CSPP1: variants seen among roughly 807,000 people sequenced by gnomAD.
CSPP1 encodes the protein centrosome and spindle pole-associated protein 1.
In CSPP1, 126 loss-of-function variants were observed where a neutral mutation model predicts 164.4. The ratio of observed to expected loss-of-function variants is 0.77; its 90% CI spans 0.66 to 0.89. The LOEUF (loss-of-function observed/expected upper bound fraction) is 0.89. CSPP1 is among the 40% of genes least tolerant of loss of function. CSPP1 has a pLI of 0.00. For missense variants in CSPP1, 1,395 were observed against 1,449.8 expected (o/e 0.96, Z 0.61); for synonymous variants, 472 against 476.7 (o/e 0.99, Z 0.13).
intron 3 of CSPP1, 134 bp from the exon 4 acceptor site, chr8:67,085,873 A>G: frequency 1.7e-6 from 1 of 598,564 alleles, no homozygotes; most frequent in Non-Finnish European, 3.0e-6. Flanking sequence ...AGACATTTTA[A>G]GTAAAAAACT....
At chr8:67,193,405 C>A in intron 29 of CSPP1, 59 bp from the exon 30 acceptor site, 2 of 1,512,242 alleles carry the variant, frequency 1.3e-6, no homozygotes, top group South Asian at 1.2e-5. Context: ...CCCTGATTCA[C>A]TGATTTGTGA....
At chr8:67,144,518 TAGCCTCGACCTCCTAGGCCGA>T (rs1237496462) in intron 17 of CSPP1, among the ~76,000 whole-genome samples, 6 of 152,138 alleles carry the variant, frequency 3.9e-5, no homozygotes, top group African/African-American at 1.2e-4. Flanking sequence ...CGGCTCACTG[TAGCCTCGACCTCCTAGGCCGA>T]AGCAATTCTG....
intron 19 of CSPP1, among the ~76,000 whole-genome samples, chr8:67,158,076 A>T (rs1827014649): frequency 6.6e-6 from 1 of 152,234 alleles, no homozygotes; most frequent in Non-Finnish European, 1.5e-5. Context: ...TAATATAATC[A>T]TGAATTAGTT....
At chr8:67,176,963 C>G (rs1318959646) in intron 26 of CSPP1, among the ~76,000 whole-genome samples, 1 of 151,620 alleles carries the variant, frequency 6.6e-6, no homozygotes, top group Non-Finnish European at 1.5e-5. Context: ...CCCAGCTACT[C>G]CGGAGCCTGA....
intron 21 of CSPP1, among the ~76,000 whole-genome samples, chr8:67,160,684 G>A (rs1175238618): frequency 6.6e-6 from 1 of 151,370 alleles, no homozygotes; most frequent in Non-Finnish European, 1.5e-5. Context: ...TTTCATTTAT[G>A]TATGTCTGAT....
chr8:67,148,423 C>T (rs1825045387), intron 17 of CSPP1, among the ~76,000 whole-genome samples: 1 of 152,202 alleles, frequency 6.6e-6, no homozygotes. Flanking sequence ...TGCCAGAACA[C>T]TCATCATGCT....
At chr8:67,171,029 G>A (rs187037386) in intron 24 of CSPP1, among the ~76,000 whole-genome samples, 11 of 148,516 alleles carry the variant, frequency 7.4e-5, no homozygotes, top group Non-Finnish European at 1.2e-4. Flanking sequence ...CTCGTGATCC[G>A]CCCGCCTCGG....
chr8:67,192,874 ACT>A (rs1228915106), intron 29 of CSPP1, among the ~76,000 whole-genome samples: 6 of 152,146 alleles, frequency 3.9e-5, no homozygotes, highest in Admixed American at 1.3e-4. Context: ...TCAGTACCAC[ACT>A]GTCTTGATTA....
chr8:67,195,588 G>A lies in CSPP1; in HGVS notation c.3676G>A (p.Gly1226Ser), dbSNP rs1837779586. Residue 1226 changes from glycine (G) to serine (S), a missense_variant, in exon 31 of 31, where the codon GGT becomes AGT. Transcript: ENST00000678616. ...FTWQGLSTAHG is the reference protein window; with the variant it reads ...FTWQGLSTAHS ...TTGGCAGGGCCTGTCGACTGCACAT[G>A]GTTAAAATAAACCTGTACTGGACCC... 2 of 1,613,876 alleles carry A rather than the reference G, an allele frequency of 1.2e-6. No individual in the cohort carries two copies. Among genetic ancestry groups the A allele is most frequent in the African/African-American group, 1.3e-5 (1 of 75,024 alleles).
At chr8:67,193,411 T>C in intron 29 of CSPP1, 53 bp from the exon 30 acceptor site, 1 of 1,544,344 alleles carries the variant, frequency 6.5e-7, no homozygotes, top group Non-Finnish European at 8.9e-7. Context: ...TTCACTGATT[T>C]GTGAACATAT....
At chr8:67,148,521 T>C (rs1825069395) in intron 17 of CSPP1, among the ~76,000 whole-genome samples, 1 of 152,222 alleles carries the variant, frequency 6.6e-6, no homozygotes, top group South Asian at 2.1e-4. Context: ...CTATACATTT[T>C]CCAAGTCCAA....
At position 67,093,581 on chromosome 8, in the gene CSPP1, G is replaced by C; in HGVS notation, c.423G>C (p.Gln141His). Residue 141 changes from glutamine (Q) to histidine (H), a missense_variant, in exon 6 of 31, where the codon CAG (glutamine) becomes CAC (histidine). Physicochemically the swap from Gln to His is conservative, Grantham distance 24. Coordinates refer to ENST00000678616, the MANE Select transcript of CSPP1 (RefSeq NM_001382391.1). Reference protein sequence around the residue: ...LKLERNKEYNQFLRGKEESSE... With the variant: ...LKLERNKEYNHFLRGKEESSE... The stretch of plus-strand genomic sequence containing the variant: ...TTGAACGTAACAAAGAATACAATCA[G>C]TTTCTCAGGGGTAAGGAAGAATCCA... 1 of 1,612,322 alleles carries C rather than the reference G, an allele frequency of 6.2e-7. No homozygotes were observed. The highest frequency in any genetic ancestry group is 8.5e-7 in the Non-Finnish European group (1 of 1,178,556).
intron 7 of CSPP1, among the ~76,000 whole-genome samples, chr8:67,101,788 G>C (rs1186525743): frequency 6.6e-6 from 1 of 151,346 alleles, no homozygotes; most frequent in Non-Finnish European, 1.5e-5. Context: ...CCGGAAAATT[G>C]CCATTTTTCT....
rs1807949689 is a variant in CSPP1 at position 67,076,509 on chromosome 8, A to G, written c.127A>G (p.Asn43Asp). 3 of 1,594,430 alleles carry G rather than the reference A, an allele frequency of 1.9e-6. No homozygotes were observed. Among genetic ancestry groups the G allele is most frequent in the East Asian group, 2.3e-5 (1 of 44,074 alleles). The change falls in exon 3 of 31, where the codon AAC (asparagine) becomes GAC (aspartate). Residue 43 changes from asparagine to aspartate, a missense_variant. Physicochemically the swap from Asn to Asp is conservative, Grantham distance 23 (BLOSUM62 1). Coordinates refer to ENST00000678616, the MANE Select transcript of CSPP1 (RefSeq NM_001382391.1). Reference sequence around the variant, plus strand: ...AAAGTTGTCAGCGAAGCTTTCTGAAAACAGTAAGATACTGATCTCTATGGC... The same window carrying G: ...AAAGTTGTCAGCGAAGCTTTCTGAAGACAGTAAGATACTGATCTCTATGGC... Reference protein sequence around the residue: ...KGKLSAKLSENSKILISMAKE... With the variant: ...KGKLSAKLSEDSKILISMAKE...
At chr8:67,123,905 CTT>C (rs79650746) in intron 15 of CSPP1, among the ~76,000 whole-genome samples, 13 of 124,720 alleles carry the variant, frequency 1.0e-4, no homozygotes, top group Admixed American at 1.6e-4. Flanking sequence ...CGGCCAGGCT[CTT>C]TTTTTTTTTT....
intron 3 of CSPP1, among the ~76,000 whole-genome samples, chr8:67,081,696 A>G (rs1167162846): frequency 1.3e-5 from 2 of 152,254 alleles, no homozygotes; most frequent in Middle Eastern, 3.2e-3. Context: ...TCTTTTAAAA[A>G]TGTTTTGATA....
chr8:67,104,380 C>T (rs1369798563), intron 8 of CSPP1, among the ~76,000 whole-genome samples: 2 of 151,892 alleles, frequency 1.3e-5, no homozygotes, highest in Non-Finnish European at 2.9e-5. Flanking sequence ...CCTCCCACCA[C>T]AGCCTCTGGA....
chr8:67,137,441 T>C lies in CSPP1; in HGVS notation c.1828-15T>C. The C allele has an allele frequency of 2.1e-6, 3 of 1,453,152 alleles. No homozygotes were observed. Among genetic ancestry groups the C allele is most frequent in the Non-Finnish European group, 2.8e-6 (3 of 1,074,930 alleles). The allele number at this position is 1,453,152 out of a possible 1,614,324, so 90.0% of individuals were successfully genotyped here. A position where few individuals can be genotyped will look rare whatever the true frequency, so the allele number is the denominator to read the frequency against. On this transcript the variant is annotated splice_polypyrimidine_tract_variant and intron_variant, in intron 16 of 30. Transcript: ENST00000678616. ...CTTGTCAGCGTTTATTTTAAATATA[T>C]CTTATGTTGTCAAGATTCGGGAAAG...
At chr8:67,106,713 A>G (rs1234746844) in intron 9 of CSPP1, among the ~76,000 whole-genome samples, 1 of 152,208 alleles carries the variant, frequency 6.6e-6, no homozygotes, top group Non-Finnish European at 1.5e-5. Flanking sequence ...TATGTAATAG[A>G]AAAGAGGTCT....
Sources: allele counts gnomAD v4.1 joint callset (sites outside exome capture counted in the v4.1 genomes callset), GRCh38; gene constraint gnomAD v4.1.1; transcripts MANE v1.5; gene names NCBI Gene and HGNC (gene_info 2026-07-23, HGNC 2026-07-21).